NEGR1: variants seen among roughly 807,000 people sequenced by gnomAD.
NEGR1 encodes IgLON family member 4.
Under a neutral mutation model 40.9 loss-of-function variants are expected in NEGR1, and 10 were observed. The ratio of observed to expected loss-of-function variants is 0.24; its 90% CI spans 0.15 to 0.42. The LOEUF is 0.42. Ranked by LOEUF, NEGR1 falls within the 10% of genes least tolerant of loss-of-function variation. The probability of loss-of-function intolerance (pLI) is 1.00; values close to 1 mark genes in which losing one functional copy is unlikely to be tolerated. For synonymous variants in NEGR1, 185 were observed against 166.8 expected, an observed-to-expected ratio of 1.11 and a Z score of -0.84; for missense variants, 352 against 438.9, an observed-to-expected ratio of 0.80 and a Z score of 1.77.
intron 1 of NEGR1, among the ~76,000 whole-genome samples, chr1:72,275,554 C>T (rs777333115): frequency 6.6e-6 from 1 of 151,990 alleles, no homozygotes; most frequent in Non-Finnish European, 1.5e-5. Context: ...CAGCAAGCTT[C>T]CAGAGAAATG....
chr1:71,942,473 ATATATATATATTTTTTTTTTT>A (rs1645971121), intron 1 of NEGR1, among the ~76,000 whole-genome samples: 1 of 13,112 alleles, frequency 7.6e-5, no homozygotes, highest in Non-Finnish European at 1.7e-4. Flanking sequence ...ATATATATAT[ATATATATATATTTTTTTTTTT>A]TTTTTTTTTT....
chr1:71,849,942 A>C (rs1167050107), intron 2 of NEGR1, among the ~76,000 whole-genome samples: 1 of 152,210 alleles, frequency 6.6e-6, no homozygotes, highest in Non-Finnish European at 1.5e-5. Flanking sequence ...ACCCATAAAA[A>C]TGTGAAAATG....
rs544260882 is a variant in NEGR1, at chr1:71,956,594, A to G, written c.177-21283T>C. On this transcript the variant is annotated intron_variant, in intron 1 of 6. Transcript: ENST00000357731. Reference sequence around the variant, plus strand: ...AAGTCAAGGTGAGAAACAAAAATCAATGTTTTTATAACTGATATTTTAATA... The same window carrying G: ...AAGTCAAGGTGAGAAACAAAAATCAGTGTTTTTATAACTGATATTTTAATA... Among the ~76,000 whole-genome samples the G allele has an allele frequency of 3.3e-5, 5 of 152,220 alleles. No homozygotes were observed. In the South Asian group the frequency reaches 8.3e-4, roughly 25 times the overall value.
At position 72,274,772 on chromosome 1, in the gene NEGR1, G is replaced by C. The variant is rs980121827; in HGVS notation, c.176+7547C>G. On this transcript the variant is annotated intron_variant, in intron 1 of 6. Transcript: ENST00000357731. ...ATTGCTTGCTGTAAGCAGTTCATCT[G>C]TGACCCCAGCTGTGTAAAAGATCGG... The C allele has an allele frequency of 8.9e-6, 12 of 1,351,908 alleles. No individual in the cohort carries two copies. In the East Asian group the frequency reaches 2.8e-4, roughly 31 times the overall value. The allele number at this position is 1,351,908 out of a possible 1,614,324, so 83.7% of individuals were successfully genotyped here.
At chr1:71,863,251 T>C (rs908448361) in intron 2 of NEGR1, among the ~76,000 whole-genome samples, 2 of 152,130 alleles carry the variant, frequency 1.3e-5, no homozygotes, top group Non-Finnish European at 2.9e-5. Flanking sequence ...ATATACACCA[T>C]GGAATACTAT....
At chr1:71,506,970 T>C (rs1647038905) in intron 6 of NEGR1, among the ~76,000 whole-genome samples, 1 of 152,184 alleles carries the variant, frequency 6.6e-6, no homozygotes, top group Non-Finnish European at 1.5e-5. Flanking sequence ...GATGATACTA[T>C]ATATACTGAT....
At chr1:71,460,218 G>A (rs1294498417) in intron 6 of NEGR1, among the ~76,000 whole-genome samples, 5 of 152,158 alleles carry the variant, frequency 3.3e-5, no homozygotes, top group African/African-American at 1.2e-4. Context: ...AATACCAATA[G>A]CATTTCTGTG....
At chr1:71,767,640 T>A (rs1656177707) in intron 3 of NEGR1, among the ~76,000 whole-genome samples, 1 of 152,184 alleles carries the variant, frequency 6.6e-6, no homozygotes, top group Non-Finnish European at 1.5e-5. Flanking sequence ...GAGGAGCAAT[T>A]CAAGATGGCT....
At chr1:71,946,000 C>T (rs2100261468) in intron 1 of NEGR1, among the ~76,000 whole-genome samples, 1 of 152,230 alleles carries the variant, frequency 6.6e-6, no homozygotes, top group Admixed American at 6.5e-5. Context: ...GCACACTGAT[C>T]TTCCCAAGCC....
intron 1 of NEGR1, among the ~76,000 whole-genome samples, chr1:72,022,360 C>T (rs1032605931): frequency 3.4e-5 from 5 of 145,682 alleles, no homozygotes; most frequent in African/African-American, 1.2e-4. Context: ...ACCATTTAAA[C>T]ACATTGTTTC....
rs560444831 is a variant in NEGR1 at position 71,494,239 on chromosome 1, G to A, written c.941-86669C>T. On this transcript the variant is annotated intron_variant, in intron 6 of 6. Coordinates refer to ENST00000357731, the MANE Select transcript of NEGR1 (RefSeq NM_173808.3). ...GCTATATCACCTCTAATCTCATGAA[G>A]AACTGATGAGTAAAGGTTGCCTGAC... Among the ~76,000 whole-genome samples, 34 of 152,272 alleles carry A rather than the reference G, an allele frequency of 2.2e-4. No individual in the cohort carries two copies. In the East Asian group the frequency reaches 2.9e-3, roughly 13 times the overall value.
chr1:72,036,294 C>T (rs1646901356), intron 1 of NEGR1, among the ~76,000 whole-genome samples: 1 of 152,072 alleles, frequency 6.6e-6, no homozygotes, highest in Admixed American at 6.6e-5. Context: ...CCCCATGGGG[C>T]TTTACATGTG....
intron 1 of NEGR1, among the ~76,000 whole-genome samples, chr1:72,241,979 G>A (rs1654760211): frequency 6.6e-6 from 1 of 151,576 alleles, no homozygotes; most frequent in Non-Finnish European, 1.5e-5. Flanking sequence ...ATACCCTACA[G>A]TTTGAAACCT....
At chr1:71,784,084 T>C (rs1483900350) in intron 2 of NEGR1, among the ~76,000 whole-genome samples, 1 of 152,132 alleles carries the variant, frequency 6.6e-6, no homozygotes, top group Non-Finnish European at 1.5e-5. Flanking sequence ...GACAAGGCTT[T>C]TTGAAACAGG....
chr1:71,565,463 G>T (rs1235714034), intron 6 of NEGR1, among the ~76,000 whole-genome samples: 2 of 152,124 alleles, frequency 1.3e-5, no homozygotes, highest in African/African-American at 4.8e-5. Flanking sequence ...GCTTAGCAGG[G>T]AAAATAAGTG....
At chr1:72,263,398 A>G (rs1288819380) in intron 1 of NEGR1, among the ~76,000 whole-genome samples, 1 of 151,560 alleles carries the variant, frequency 6.6e-6, no homozygotes, top group Non-Finnish European at 1.5e-5. Flanking sequence ...AAATATTTTT[A>G]TTAACATCAT....
intron 2 of NEGR1, among the ~76,000 whole-genome samples, chr1:71,816,721 T>C (rs997042482): frequency 6.6e-6 from 1 of 151,910 alleles, no homozygotes; most frequent in East Asian, 1.9e-4. Context: ...AAGTAGGAAA[T>C]TGCTCCTGTT....
intron 2 of NEGR1, among the ~76,000 whole-genome samples, chr1:71,790,851 A>C (rs1657090838): frequency 6.6e-6 from 1 of 151,972 alleles, no homozygotes; most frequent in Non-Finnish European, 1.5e-5. Flanking sequence ...GAGGAAGTAA[A>C]CTCAAGGAAA....
chr1:71,531,273 C>T (rs1647348805), intron 6 of NEGR1, among the ~76,000 whole-genome samples: 1 of 151,380 alleles, frequency 6.6e-6, no homozygotes, highest in African/African-American at 2.4e-5. Context: ...TTGCATTCTA[C>T]TATTCTTTGT....
Sources: gnomAD v4.1 joint callset for allele counts (sites outside exome capture counted in the v4.1 genomes callset) on GRCh38, gnomAD v4.1.1 for gene constraint, MANE v1.5 for transcripts, NCBI Gene and HGNC (gene_info 2026-07-23, HGNC 2026-07-21) for gene names.